Variants in LINGO2 observed in about 807,000 individuals in gnomAD.
LINGO2 encodes leucine rich repeat and Ig domain containing 2.
LINGO2 carries 14 observed loss-of-function variants against 30.6 expected under a neutral mutation model. That is an observed-to-expected ratio of 0.46 (90% confidence interval 0.30 to 0.72). The LOEUF is 0.72. Ranked by LOEUF, LINGO2 falls within the 30% of genes least tolerant of loss-of-function variation. The probability of loss-of-function intolerance (pLI) is 0.07; values close to 1 mark genes in which losing one functional copy is unlikely to be tolerated. For missense variants in LINGO2, 729 were observed against 751.7 expected (o/e 0.97, Z 0.35); for synonymous variants, 317 against 288.5 (o/e 1.10, Z -1.00).
At chr9:28,477,555 T>G (rs898560729) in intron 1 of LINGO2, among the ~76,000 whole-genome samples, 4 of 152,202 alleles carry the variant, frequency 2.6e-5, no homozygotes, top group Non-Finnish European at 4.4e-5. Context: ...AACATTTGCC[T>G]TGTATTCAAG....
chr9:29,147,843 AAATG>A, the LINGO2 span, among the ~76,000 whole-genome samples: 1 of 152,098 alleles, frequency 6.6e-6, no homozygotes, highest in African/African-American at 2.4e-5. Flanking sequence ...TCTGCAAACT[AAATG>A]AATGTACAGC....
chr9:28,166,490 A>G (rs572554290), intron 4 of LINGO2, among the ~76,000 whole-genome samples: 2 of 152,320 alleles, frequency 1.3e-5, no homozygotes, highest in South Asian at 4.1e-4. Context: ...TTAGTGTTAG[A>G]AGGAAGCTTG....
chr9:28,989,989 T>A, the LINGO2 span, among the ~76,000 whole-genome samples: 1 of 152,280 alleles, frequency 6.6e-6, no homozygotes, highest in Admixed American at 6.5e-5. Context: ...GATTTCTGCA[T>A]TTCCATCTGA....
chr9:28,161,519 A>G (rs1220550722), intron 4 of LINGO2, among the ~76,000 whole-genome samples: 1 of 152,186 alleles, frequency 6.6e-6, no homozygotes, highest in Middle Eastern at 3.2e-3. Context: ...AAGCTAAAAG[A>G]TAGTATTAGC....
intron 1 of LINGO2, among the ~76,000 whole-genome samples, chr9:28,496,753 T>G (rs10121326): frequency 0.16 from 24,327 of 152,084 alleles, 2,148 homozygotes; most frequent in African/African-American, 0.22. Flanking sequence ...CTTCCTAGCA[T>G]TGATGGTCTT....
chr9:28,222,152 T>G (rs956791329), intron 4 of LINGO2, among the ~76,000 whole-genome samples: 2 of 152,186 alleles, frequency 1.3e-5, no homozygotes, highest in Non-Finnish European at 2.9e-5. Context: ...CTCATTTGAT[T>G]AATTATTCAA....
At chr9:29,121,266 A>C in the LINGO2 span, among the ~76,000 whole-genome samples, 1 of 152,314 alleles carries the variant, frequency 6.6e-6, no homozygotes, top group East Asian at 1.9e-4. Flanking sequence ...ACAAAGATTT[A>C]TAATCAGTAA....
chr9:28,121,744 C>T (rs1827102233), intron 4 of LINGO2, among the ~76,000 whole-genome samples: 1 of 152,156 alleles, frequency 6.6e-6, no homozygotes, highest in African/African-American at 2.4e-5. Context: ...GAAAAAAGCT[C>T]TTCCAAAGAC....
rs148282093 is a variant in LINGO2 at position 28,083,020 on chromosome 9, T to A, written c.-86-70615A>T. Among the ~76,000 whole-genome samples, 178 of 152,282 alleles carry A rather than the reference T, an allele frequency of 1.2e-3. 1 individual carries two copies. In the South Asian group the frequency reaches 0.013, roughly 11 times the overall value. Reference sequence around the variant, plus strand: ...GTGTTTACCTCTGTCTTTGCACCAGTCCATGGTCCTGTAACTCCTTCCTTA... The same window carrying A: ...GTGTTTACCTCTGTCTTTGCACCAGACCATGGTCCTGTAACTCCTTCCTTA... On this transcript the variant is annotated intron_variant, in intron 4 of 5. Transcript: ENST00000379992.
At chr9:27,944,110 T>G (rs569948325), downstream of LINGO2, 1 of 152,328 alleles carries the variant, frequency 6.6e-6, no homozygotes, top group East Asian at 1.9e-4. Flanking sequence ...CTAGACCATT[T>G]GTTAAAAATC....
the LINGO2 span, among the ~76,000 whole-genome samples, chr9:28,905,855 C>G: frequency 1.8e-4 from 28 of 152,096 alleles, no homozygotes; most frequent in East Asian, 5.4e-3. Context: ...GATATCTGCA[C>G]GCCCATGTTC....
intron 1 of LINGO2, among the ~76,000 whole-genome samples, chr9:28,621,158 A>G (rs1826371017): frequency 6.6e-6 from 1 of 152,064 alleles, no homozygotes. Context: ...CAAACATCCT[A>G]CATAAAAACA....
At chr9:27,949,980 T>G (rs565812120) in exon 6 of LINGO2, 1 of 1,614,114 alleles carries the variant, frequency 6.2e-7, no homozygotes, top group Non-Finnish European at 8.5e-7. Context: ...ATAGTCAATC[T>G]CTAGGTGTTT....
chr9:28,786,661 A>C, the LINGO2 span, among the ~76,000 whole-genome samples: 1 of 152,148 alleles, frequency 6.6e-6, no homozygotes, highest in African/African-American at 2.4e-5. Context: ...TGCCTACAAA[A>C]CCCAAATATG....
intron 2 of LINGO2, among the ~76,000 whole-genome samples, chr9:28,386,142 GA>G (rs1351073080): frequency 6.6e-6 from 1 of 152,138 alleles, no homozygotes; most frequent in Non-Finnish European, 1.5e-5. Flanking sequence ...AAAGATTTCA[GA>G]AGGTGTAGTG....
intron 1 of LINGO2, among the ~76,000 whole-genome samples, chr9:28,486,540 T>A (rs1331898): frequency 0.011 from 1,610 of 152,100 alleles, 23 homozygotes; most frequent in African/African-American, 0.037. Flanking sequence ...CATATGTTCA[T>A]GTGCATATGC....
chr9:29,049,513 C>T, the LINGO2 span, among the ~76,000 whole-genome samples: 1 of 152,140 alleles, frequency 6.6e-6, no homozygotes, highest in South Asian at 2.1e-4. Context: ...ATGTTTGTTG[C>T]AGCACTGTTT....
At chr9:28,068,083 T>C (rs7853840) in intron 4 of LINGO2, among the ~76,000 whole-genome samples, 11,095 of 152,194 alleles carry the variant, frequency 0.073, 418 homozygotes, top group African/African-American at 0.11. Flanking sequence ...TACAGTGCCT[T>C]TGTTTACATT....
chr9:28,357,284 C>A (rs1394880672), intron 3 of LINGO2, among the ~76,000 whole-genome samples: 2 of 149,748 alleles, frequency 1.3e-5, no homozygotes, highest in Non-Finnish European at 3.0e-5. Context: ...ATTAGTTAAA[C>A]CTCTAAAAGT....
Sources: allele counts gnomAD v4.1 joint callset (sites outside exome capture counted in the v4.1 genomes callset), GRCh38; gene constraint gnomAD v4.1.1; transcripts MANE v1.5; gene names NCBI Gene and HGNC (gene_info 2026-07-23, HGNC 2026-07-21).